The following EXOC4 variants were observed in gnomAD, a reference collection of about 807,000 sequenced individuals.
The protein encoded by EXOC4 is SEC8-like 1.
EXOC4 carries 71 observed loss-of-function variants against 107.2 expected under a neutral mutation model. That is an observed-to-expected ratio of 0.66 (90% CI 0.55 to 0.81). EXOC4 has a LOEUF of 0.81. EXOC4 is among the 30% of genes least tolerant of loss of function. The pLI is 0.00. For missense variants in EXOC4, 1,108 were observed against 1,189.6 expected, an observed-to-expected ratio of 0.93 and a Z score of 1.01; for synonymous variants, 456 against 441.2, an observed-to-expected ratio of 1.03 and a Z score of -0.42.
chr7:134,061,997 A>T (rs1469173906), intron 17 of EXOC4, among the ~76,000 whole-genome samples: 1 of 152,192 alleles, frequency 6.6e-6, no homozygotes, highest in Non-Finnish European at 1.5e-5. Context: ...CTGGAAGTGG[A>T]GTTTTATCTC....
chr7:133,876,474 T>G (rs1180750958), intron 11 of EXOC4, among the ~76,000 whole-genome samples: 1 of 152,164 alleles, frequency 6.6e-6, no homozygotes, highest in Non-Finnish European at 1.5e-5. Flanking sequence ...TTAGCTTAGC[T>G]TTTATCACGC....
chr7:133,423,936 C>G (rs1056950775), intron 7 of EXOC4, among the ~76,000 whole-genome samples: 3 of 152,176 alleles, frequency 2.0e-5, no homozygotes, highest in African/African-American at 7.2e-5. Flanking sequence ...GTGGCGAGTG[C>G]TAGCGAGAGG....
At chr7:133,691,118 A>G (rs1794410468) in intron 10 of EXOC4, among the ~76,000 whole-genome samples, 1 of 152,236 alleles carries the variant, frequency 6.6e-6, no homozygotes, top group African/African-American at 2.4e-5. Flanking sequence ...AGGGTAGTAT[A>G]TCCTCATCTC....
chr7:133,739,085 T>G (rs1458667921), intron 10 of EXOC4, among the ~76,000 whole-genome samples: 1 of 152,208 alleles, frequency 6.6e-6, no homozygotes, highest in Non-Finnish European at 1.5e-5. Flanking sequence ...CTCTTACTTC[T>G]GGTGCCTTTT....
At chr7:133,829,003 A>G (rs1390016584) in intron 11 of EXOC4, among the ~76,000 whole-genome samples, 1 of 152,308 alleles carries the variant, frequency 6.6e-6, no homozygotes, top group East Asian at 1.9e-4. Context: ...GAGGAGAGAG[A>G]CACAGAAGGC....
intron 15 of EXOC4, among the ~76,000 whole-genome samples, chr7:134,000,373 G>A (rs143624908): frequency 6.6e-6 from 1 of 152,080 alleles, no homozygotes; most frequent in Admixed American, 6.6e-5. Context: ...GTGCTCTGGG[G>A]GCGTGACTGT....
intron 9 of EXOC4, among the ~76,000 whole-genome samples, chr7:133,548,736 G>A (rs1584991458): frequency 6.6e-6 from 1 of 152,186 alleles, no homozygotes; most frequent in East Asian, 1.9e-4. Context: ...AGAGAGTAGA[G>A]CCTTGTTCTG....
chr7:133,535,794 G>A (rs1017676573), intron 9 of EXOC4, among the ~76,000 whole-genome samples: 11 of 152,142 alleles, frequency 7.2e-5, no homozygotes, highest in African/African-American at 1.4e-4. Context: ...AGTGGTACAC[G>A]TTTAAATATT....
intron 11 of EXOC4, among the ~76,000 whole-genome samples, chr7:133,858,007 A>G (rs1347375781): frequency 6.6e-6 from 1 of 152,166 alleles, no homozygotes; most frequent in Non-Finnish European, 1.5e-5. Context: ...GGAGGGCTAT[A>G]GTGCTACAGC....
At position 133,356,548 on chromosome 7, in the gene EXOC4, A is replaced by T; in HGVS notation, c.982A>T (p.Asn328Tyr). The part of the protein sequence containing the change: ...VADSGYQRGE[N>Y]VTVENQPRLL... Reference sequence around the variant, plus strand: ...AGACAGTGGCTATCAGCGGGGGGAGAACGTTACTGTGGAGAACCAACCAAG... The same window carrying T: ...AGACAGTGGCTATCAGCGGGGGGAGTACGTTACTGTGGAGAACCAACCAAG... Residue 328 changes from asparagine (N) to tyrosine (Y), a missense_variant, in exon 6 of 18, where the codon AAC becomes TAC. Transcript: ENST00000253861. The T allele has an allele frequency of 5.6e-6, 9 of 1,613,948 alleles. No individual in the cohort carries two copies. The highest frequency in any genetic ancestry group is 7.6e-6 in the Non-Finnish European group (9 of 1,179,922).
chr7:133,801,656 A>C (rs1796946434), intron 10 of EXOC4, among the ~76,000 whole-genome samples: 1 of 152,202 alleles, frequency 6.6e-6, no homozygotes, highest in African/African-American at 2.4e-5. Context: ...GTTACAGAGA[A>C]ACCCACATAG....
rs1203837455 is a variant in EXOC4 at position 133,787,963 on chromosome 7, T to TTTTA, written c.1515-29361_1515-29360insTTAT. On this transcript the variant is annotated intron_variant, in intron 10 of 17. Coordinates refer to ENST00000253861, the MANE Select transcript of EXOC4 (RefSeq NM_021807.4). ...CTTCCCTGTGCATATATTTATATATTTATATATATATATATATATATATAT... is the reference window on the plus strand; with the variant it reads ...CTTCCCTGTGCATATATTTATATATTTTTATATATATATATATATATATATATAT... Among the ~76,000 whole-genome samples the TTTTA allele has an allele frequency of 1.8e-3, 73 of 40,966 alleles. 4 individuals are homozygous for TTTTA. The highest frequency in any genetic ancestry group is 5.3e-3 in the African/African-American group (65 of 12,158). The allele number at this position is 40,966 out of a possible 152,430, so 26.9% of individuals were successfully genotyped here.
chr7:134,036,885 A>G (rs1795402356), intron 17 of EXOC4, among the ~76,000 whole-genome samples: 1 of 152,092 alleles, frequency 6.6e-6, no homozygotes, highest in East Asian at 1.9e-4. Context: ...CGGTTACCTT[A>G]CCTATAAAAT....
intron 7 of EXOC4, among the ~76,000 whole-genome samples, chr7:133,445,207 A>C (rs1048595946): frequency 1.3e-5 from 2 of 152,184 alleles, no homozygotes; most frequent in South Asian, 2.1e-4. Context: ...TCAAGTGTAC[A>C]TATGCAGTCA....
chr7:134,062,198 T>C (rs1796077312), intron 17 of EXOC4, among the ~76,000 whole-genome samples: 1 of 152,198 alleles, frequency 6.6e-6, no homozygotes, highest in Non-Finnish European at 1.5e-5. Flanking sequence ...CAAAGAGCAC[T>C]TTCCATTTCT....
At chr7:133,834,382 A>G (rs1585185512) in intron 11 of EXOC4, among the ~76,000 whole-genome samples, 1 of 152,290 alleles carries the variant, frequency 6.6e-6, no homozygotes, top group South Asian at 2.1e-4. Context: ...ATCTTAAAAA[A>G]ATCAAATGTT....
chr7:133,932,557 A>T (rs925429560), intron 13 of EXOC4, among the ~76,000 whole-genome samples: 2 of 152,220 alleles, frequency 1.3e-5, no homozygotes, highest in Non-Finnish European at 2.9e-5. Flanking sequence ...CTCACTCTAT[A>T]CTATCTCCAA....
chr7:133,369,092 C>T (rs1408303896), intron 6 of EXOC4, among the ~76,000 whole-genome samples: 1 of 152,180 alleles, frequency 6.6e-6, no homozygotes. Flanking sequence ...AGTGTGTCTG[C>T]AGCTAAAGGC....
At chr7:133,836,578 T>G (rs777604229) in intron 11 of EXOC4, among the ~76,000 whole-genome samples, 14 of 152,198 alleles carry the variant, frequency 9.2e-5, no homozygotes, top group Non-Finnish European at 2.1e-4. Context: ...ACTTTGCCTT[T>G]CCTTTTGCTC....
Sources: allele counts gnomAD v4.1 joint callset (sites outside exome capture counted in the v4.1 genomes callset), GRCh38; gene constraint gnomAD v4.1.1; transcripts MANE v1.5; gene names NCBI Gene and HGNC (gene_info 2026-07-23, HGNC 2026-07-21).